The following ZNF469 variants were observed in gnomAD, a reference collection of about 807,000 sequenced individuals.
The protein encoded by ZNF469 is zinc finger protein 469.
In ZNF469, 1 loss-of-function variant was observed where a neutral mutation model predicts 1.0. The ratio of observed to expected loss-of-function variants is 1.00; its 90% CI spans 0.35 to 4.73. The LOEUF is 4.73. Ranked by LOEUF, ZNF469 falls within the 30% of genes most tolerant of loss-of-function variation. ZNF469 has a pLI of 0.16. For missense variants in ZNF469, 6,100 were observed against 5,356.3 expected (o/e 1.14, Z -4.33); for synonymous variants, 2,703 against 2,363.4 (o/e 1.14, Z -4.17).
the ZNF469 span, among the ~76,000 whole-genome samples, chr16:88,307,038 A>T: frequency 1.3e-5 from 2 of 152,190 alleles, no homozygotes; most frequent in Non-Finnish European, 2.9e-5. Context: ...GGCAACCGCC[A>T]ATCCACTTCC....
chr16:88,142,137 C>T, the ZNF469 span, among the ~76,000 whole-genome samples: 1 of 152,222 alleles, frequency 6.6e-6, no homozygotes, highest in Admixed American at 6.5e-5. Context: ...TCCAAGGGTG[C>T]GTCCAGGGTG....
At chr16:88,332,556 G>A in the ZNF469 span, among the ~76,000 whole-genome samples, 11 of 152,246 alleles carry the variant, frequency 7.2e-5, no homozygotes, top group African/African-American at 2.7e-4. Flanking sequence ...GCAGGTTTGG[G>A]CCATTCCAGA....
At chr16:88,278,401 A>G in the ZNF469 span, among the ~76,000 whole-genome samples, 4 of 70,616 alleles carry the variant, frequency 5.7e-5, no homozygotes, top group African/African-American at 9.3e-5. Context: ...CCACCCTGAC[A>G]CTCGGTCAGT....
the ZNF469 span, among the ~76,000 whole-genome samples, chr16:88,112,544 G>T: frequency 6.6e-6 from 1 of 152,178 alleles, no homozygotes; most frequent in African/African-American, 2.4e-5. Flanking sequence ...ATGATGCTGA[G>T]CTCCTCTTCA....
the ZNF469 span, among the ~76,000 whole-genome samples, chr16:88,173,228 A>T: frequency 6.6e-6 from 1 of 152,178 alleles, no homozygotes; most frequent in Non-Finnish European, 1.5e-5. Flanking sequence ...CAGATAAGAA[A>T]AAACATATTA....
chr16:88,314,671 C>G, the ZNF469 span, among the ~76,000 whole-genome samples: 1 of 148,980 alleles, frequency 6.7e-6, no homozygotes, highest in Non-Finnish European at 1.5e-5. Context: ...TGGGCTGTCT[C>G]TGTAATTACG....
chr16:88,403,183 C>T (rs1411416078), intron 1 of ZNF469, among the ~76,000 whole-genome samples: 1 of 152,216 alleles, frequency 6.6e-6, no homozygotes, highest in African/African-American at 2.4e-5. Flanking sequence ...CTGGATGCTT[C>T]TGTCCGTCCG....
chr16:88,357,543 C>G, the ZNF469 span, among the ~76,000 whole-genome samples: 1 of 152,222 alleles, frequency 6.6e-6, no homozygotes, highest in Admixed American at 6.5e-5. Flanking sequence ...AGGCCTCTTT[C>G]CGAGCCAGCA....
the ZNF469 span, among the ~76,000 whole-genome samples, chr16:88,113,698 C>T: frequency 6.6e-6 from 1 of 152,218 alleles, no homozygotes; most frequent in Non-Finnish European, 1.5e-5. Flanking sequence ...AAACGGGTAA[C>T]AAGTGGCCCC....
At position 88,434,301 on chromosome 16, in the gene ZNF469, C is replaced by G. The variant is rs778917466; in HGVS notation, c.6831C>G (p.Val2277=). Reference sequence around the variant, plus strand: ...CCTCTCCTCCTCTGGCAGGGGCCGTCTCCCCCAGCGTGGCCGTCAGGGCTA... The same window carrying G: ...CCTCTCCTCCTCTGGCAGGGGCCGTGTCCCCCAGCGTGGCCGTCAGGGCTA... The part of the protein sequence containing the change: ...RATSPPLAGA[V]SPSVAVRATG... The change falls in exon 3 of 3, where the codon GTC becomes GTG. Residue 2277 remains valine (V), a synonymous_variant. Coordinates refer to ENST00000565624, the MANE Select transcript of ZNF469 (RefSeq NM_001367624.2). 6.5e-7 allele frequency: 1 copy of G among 1,550,382 alleles called. No individual in the cohort carries two copies. Among genetic ancestry groups the G allele is most frequent in the South Asian group, 1.2e-5 (1 of 84,068 alleles).
chr16:88,380,140 C>CACACAG (rs1245711240), upstream of ZNF469, among the ~76,000 whole-genome samples: 7 of 59,982 alleles, frequency 1.2e-4, no homozygotes, highest in African/African-American at 2.7e-3. Context: ...CACAGACACA[C>CACACAG]ACTCACACAC....
chr16:88,420,675 G>C (rs1195671505), intron 1 of ZNF469, among the ~76,000 whole-genome samples: 1 of 152,238 alleles, frequency 6.6e-6, no homozygotes, highest in Non-Finnish European at 1.5e-5. Flanking sequence ...GGGATGCCAT[G>C]CTTCTGAGCA....
At chr16:88,395,428 T>TA (rs1275182187) in intron 1 of ZNF469, among the ~76,000 whole-genome samples, 2 of 152,140 alleles carry the variant, frequency 1.3e-5, no homozygotes, top group African/African-American at 4.8e-5. Flanking sequence ...TATATACAGA[T>TA]ATTGTGTGTA....
At chr16:88,374,117 A>G in the ZNF469 span, among the ~76,000 whole-genome samples, 1 of 152,224 alleles carries the variant, frequency 6.6e-6, no homozygotes, top group African/African-American at 2.4e-5. Context: ...ACAGATGCAC[A>G]TAGCCCTGCA....
the ZNF469 span, among the ~76,000 whole-genome samples, chr16:88,107,496 T>C: frequency 1.3e-5 from 2 of 152,176 alleles, no homozygotes; most frequent in Admixed American, 1.3e-4. Context: ...CCCCCTGGGC[T>C]CTCCCTCCAC....
Position 88,435,190 on chromosome 16 carries a change from C to T in ZNF469, c.7720C>T (p.His2574Tyr), listed in dbSNP as rs886052410. Residue 2574 changes from histidine to tyrosine, a missense_variant, in exon 3 of 3, where the codon CAC (histidine) becomes TAC (tyrosine). Transcript: ENST00000565624. ...APGSPHSQQL[H>Y]PPSPTEHEVD... ...GGGGTCCCCACACAGCCAGCAGCTG[C>T]ACCCTCCAAGCCCTACTGAGCATGA... The T allele has an allele frequency of 9.7e-6, 15 of 1,550,248 alleles. No individual in the cohort carries two copies. Among genetic ancestry groups the T allele is most frequent in the Admixed American group, 2.0e-5 (1 of 50,988 alleles).
chr16:88,389,791 G>T (rs543060668), intron 1 of ZNF469, among the ~76,000 whole-genome samples: 1 of 152,302 alleles, frequency 6.6e-6, no homozygotes, highest in Admixed American at 6.5e-5. Context: ...GGACCTCAAG[G>T]CTGTGTCTTT....
chr16:88,412,695 C>T (rs902487367), intron 1 of ZNF469, among the ~76,000 whole-genome samples: 1 of 152,170 alleles, frequency 6.6e-6, no homozygotes, highest in Non-Finnish European at 1.5e-5. Context: ...CCCGAAAGAG[C>T]GAGTGGGTGA....
chr16:88,415,633 G>A (rs1274345908), intron 1 of ZNF469, among the ~76,000 whole-genome samples: 2 of 152,330 alleles, frequency 1.3e-5, no homozygotes, highest in African/African-American at 2.4e-5. Context: ...CCAGGGGCAG[G>A]AGGACACGGA....
Sources: allele counts gnomAD v4.1 joint callset (sites outside exome capture counted in the v4.1 genomes callset), GRCh38; gene constraint gnomAD v4.1.1; transcripts MANE v1.5; gene names NCBI Gene and HGNC (gene_info 2026-07-23, HGNC 2026-07-21).